The following NFE2L1 variants were observed in gnomAD, a reference collection of about 807,000 sequenced individuals.
NFE2L1 encodes NFE2 like bZIP transcription factor 1.
In NFE2L1, 18 loss-of-function variants were observed where a neutral mutation model predicts 61.6. The observed-to-expected ratio is 0.29, with a 90% CI of 0.20 to 0.43. NFE2L1 has a LOEUF of 0.43. Ranked by LOEUF, NFE2L1 falls within the 20% of genes least tolerant of loss-of-function variation. NFE2L1 has a pLI of 1.00. For synonymous variants in NFE2L1, 419 were observed against 402.7 expected, an observed-to-expected ratio of 1.04 and a Z score of -0.48; for missense variants, 827 against 973.5, an observed-to-expected ratio of 0.85 and a Z score of 2.00.
At chr17:48,057,299 AG>A (rs2037427927) in intron 4 of NFE2L1, 44 bp from the exon 5 acceptor site, 1 of 1,603,454 alleles carries the variant, frequency 6.2e-7, no homozygotes, top group African/African-American at 1.3e-5. Context: ...GGAAAGCACA[AG>A]GTTTTTCCTT....
chr17:48,055,104 G>A, intron 2 of NFE2L1: 2 of 1,444,982 alleles, frequency 1.4e-6, no homozygotes, highest in Non-Finnish European at 1.8e-6. Flanking sequence ...GCTGGTCACC[G>A]GGTGGCCCAG....
In NFE2L1 at chr17:48,058,831, C is replaced by T. The variant is rs909122875; in HGVS notation, c.1509C>T (p.Ser503=). The change falls in exon 6 of 6, where the codon TCC becomes TCT. Residue 503 remains serine, a synonymous_variant. Coordinates refer to ENST00000362042, the MANE Select transcript of NFE2L1 (RefSeq NM_003204.3). The part of the protein sequence containing the change: ...SEGSSSSSSS[S]SSSSSSASSS... ...GCAGTTCTTCCTCTTCTTCCTCCTC[C>T]TCTTCCTCTTCTTCCTCTGCTTCTT... 1.2e-6 allele frequency: 2 copies of T among 1,613,820 alleles called. No individual in the cohort carries two copies. The highest frequency in any genetic ancestry group is 2.7e-5 in the African/African-American group (2 of 74,936).
chr17:48,052,686 T>C (rs2037284713), intron 2 of NFE2L1, among the ~76,000 whole-genome samples: 1 of 152,176 alleles, frequency 6.6e-6, no homozygotes, highest in African/African-American at 2.4e-5. Context: ...GGTCCTCAAC[T>C]GGGGGTGATT....
At chr17:48,058,077 T>G (rs184327381) in intron 5 of NFE2L1, among the ~76,000 whole-genome samples, 368 of 152,320 alleles carry the variant, frequency 2.4e-3, no homozygotes, top group Non-Finnish European at 3.8e-3. Context: ...GAGGAAAAGC[T>G]GATCAGTCCT....
chr17:48,056,672 C>T, intron 3 of NFE2L1, 74 bp downstream of exon 3: 1 of 1,542,394 alleles, frequency 6.5e-7, no homozygotes. Flanking sequence ...GGAGTTCTTC[C>T]AGAAACTTCC....
In NFE2L1 at chr17:48,058,563, C is replaced by T. The variant is rs779637623; in HGVS notation, c.1241C>T (p.Thr414Ile). The stretch of plus-strand genomic sequence containing the variant: ...TCCACCTTCGGCTCCACCAACCTGA[C>T]AGGGCTCTTCTTTCCACCCCAGCTC... ...LNSTFGSTNL[T>I]GLFFPPQLNG... The change falls in exon 6 of 6, where the codon ACA becomes ATA. Residue 414 changes from threonine (T) to isoleucine (I), a missense_variant. By Grantham distance (89) the Thr-to-Ile change is moderately conservative. Around this residue, in one of 3 missense-constraint regions of NFE2L1, gnomAD observed 667 missense variants for 748.4 expected, o/e 0.89. Transcript: ENST00000362042. The T allele has an allele frequency of 2.0e-5, 32 of 1,613,684 alleles. No individual in the cohort carries two copies. Among genetic ancestry groups the T allele is most frequent in the Non-Finnish European group, 2.5e-5 (30 of 1,179,688 alleles).
rs574670443 is a variant in NFE2L1 at position 48,060,292 on chromosome 17, A to G, written c.*651A>G. Reference sequence around the variant, plus strand: ...GGGGAGCTCTTGGATATCATTGGCCATGTTTCAATCGAATGGAGCCACTGG... The same window carrying G: ...GGGGAGCTCTTGGATATCATTGGCCGTGTTTCAATCGAATGGAGCCACTGG... On this transcript the variant is annotated 3_prime_UTR_variant, in exon 6 of 6. Transcript: ENST00000362042. The G allele has an allele frequency of 9.8e-5, 15 of 152,790 alleles. No homozygotes were observed. Among genetic ancestry groups the G allele is most frequent in the Admixed American group, 7.8e-4 (12 of 15,310 alleles). The allele number at this position is 152,790 out of a possible 1,614,324, so 9.5% of individuals were successfully genotyped here.
chr17:48,059,849 AT>A lies in NFE2L1; in HGVS notation c.*211del. The A allele has an allele frequency of 1.5e-6, 1 of 664,900 alleles. No homozygotes were observed. The highest frequency in any genetic ancestry group is 2.4e-6 in the Non-Finnish European group (1 of 416,992). 41.2% of individuals were successfully genotyped at this position (664,900 alleles called of 1,614,324 possible). A position where few individuals can be genotyped will look rare whatever the true frequency, so the allele number is the denominator to read the frequency against. ...CGGGTGGAGTGGAAGTGGCCAGACC[AT>A]TTAGACGGACAGGGTCCTCACCCTA... On this transcript the variant is annotated 3_prime_UTR_variant, in exon 6 of 6. Coordinates refer to ENST00000362042, the MANE Select transcript of NFE2L1 (RefSeq NM_003204.3). The surrounding 1 kb of genome is among the most constrained non-coding windows in gnomAD (Gnocchi z 6.1).
intron 1 of NFE2L1, among the ~76,000 whole-genome samples, 182 bp from the exon 2 acceptor site, chr17:48,050,425 G>C (rs567940102): frequency 6.6e-6 from 1 of 152,056 alleles, no homozygotes; most frequent in African/African-American, 2.4e-5. Flanking sequence ...GTTGCAGTGA[G>C]CACAGATCAC....
chr17:48,056,225 C>T lies in NFE2L1; in HGVS notation c.511-161C>T, dbSNP rs75484543. The stretch of plus-strand genomic sequence containing the variant: ...GTGTCTGGAAGTAGATGAATGAACA[C>T]TTGCTGGTGCAGGGACCAGGGGGTA... On this transcript the variant is annotated intron_variant, in intron 2 of 5. Transcript: ENST00000362042. Among the ~76,000 whole-genome samples the T allele has an allele frequency of 5.4e-4, 82 of 152,016 alleles. No individual in the cohort carries two copies. The East Asian group carries it at 0.014, about 25-fold the overall frequency.
At chr17:48,055,861 T>TG (rs2037388166) in intron 2 of NFE2L1, 1 of 159,488 alleles carries the variant, frequency 6.3e-6, no homozygotes, top group Admixed American at 5.9e-5. Flanking sequence ...CATCAGGTGG[T>TG]TGGAAATGCA....
chr17:48,056,095 T>C, intron 2 of NFE2L1: 1 of 365,076 alleles, frequency 2.7e-6, no homozygotes, highest in Non-Finnish European at 5.0e-6. Context: ...GCCCTGCCTT[T>C]TGTCTGGGTG....
At position 48,049,426 on chromosome 17, in the gene NFE2L1, CTTG is replaced by C. The variant is rs773162547; in HGVS notation, c.-513+968_-513+970del. On this transcript the variant is annotated intron_variant, in intron 1 of 5. Transcript: ENST00000362042. ...TCTTTTTTTGAGACGGAGTTTTGCT[CTTG>C]TTGCCCAGGCTGGAGTGCAGTGGCG... Among the ~76,000 whole-genome samples the C allele has an allele frequency of 9.2e-5, 14 of 151,808 alleles. No homozygotes were observed. In the South Asian group the frequency reaches 2.9e-3, roughly 32 times the overall value.
chr17:48,056,709 G>C, intron 3 of NFE2L1, 111 bp downstream of exon 3: 2 of 1,328,942 alleles, frequency 1.5e-6, no homozygotes, highest in Non-Finnish European at 2.0e-6. Flanking sequence ...GGTGTGTGGG[G>C]TGGACCTGAA....
Position 48,058,753 on chromosome 17 carries a change from A to C in NFE2L1, c.1431A>C (p.Ser477=). The stretch of plus-strand genomic sequence containing the variant: ...TGGAGGAGGAATTTGACTCTGACTC[A>C]GGCCTTTCCTTAGACTCGAGCCATA... ...SQLEEEFDSD[S]GLSLDSSHSP... is the part of the protein sequence containing the mutation. The change falls in exon 6 of 6, where the codon TCA becomes TCC. Residue 477 remains serine (S), a synonymous_variant. Transcript: ENST00000362042. The C allele has an allele frequency of 6.2e-7, 1 of 1,614,202 alleles. No individual in the cohort carries two copies.
intron 2 of NFE2L1, chr17:48,054,977 G>T: frequency 6.7e-7 from 1 of 1,486,420 alleles, no homozygotes; most frequent in Non-Finnish European, 8.9e-7. Flanking sequence ...CCCCCTGTCC[G>T]GCTTCCCGGC....
rs184460916 is a variant in NFE2L1, at chr17:48,061,538, T to A, written c.*1897T>A. On this transcript the variant is annotated 3_prime_UTR_variant, in exon 6 of 6. Transcript: ENST00000362042. ...TAAATTGAGAATAAAGGAAATGGACTCATTGTAGGGAGGACTGGCCATTGC... is the reference window on the plus strand; with the variant it reads ...TAAATTGAGAATAAAGGAAATGGACACATTGTAGGGAGGACTGGCCATTGC... The A allele has an allele frequency of 2.0e-5, 3 of 152,320 alleles. No homozygotes were observed. In the East Asian group the frequency reaches 5.8e-4, roughly 29 times the overall value. The allele number at this position is 152,320 out of a possible 1,614,324, so 9.4% of individuals were successfully genotyped here.
At chr17:48,050,081 G>A (rs2037209961) in intron 1 of NFE2L1, among the ~76,000 whole-genome samples, 1 of 152,238 alleles carries the variant, frequency 6.6e-6, no homozygotes, top group South Asian at 2.1e-4. Context: ...TTCAGTAACT[G>A]AGATCATTCG....
At chr17:48,054,484 T>C in intron 2 of NFE2L1, 1 of 696,488 alleles carries the variant, frequency 1.4e-6, no homozygotes, top group Non-Finnish European at 2.0e-6. Flanking sequence ...GGGAGGAGAT[T>C]GGCTCTCGGC....
Sources: gnomAD v4.1 joint callset for allele counts (sites outside exome capture counted in the v4.1 genomes callset) on GRCh38, gnomAD v4.1.1 for gene constraint, gnomAD v4.1.1 regional missense constraint, Gnocchi (gnomAD v3.1) non-coding constraint, MANE v1.5 for transcripts, NCBI Gene and HGNC (gene_info 2026-07-23, HGNC 2026-07-21) for gene names.